Variants in CNTN3 observed in about 807,000 individuals in gnomAD.
The protein encoded by CNTN3 is contactin-3.
CNTN3 carries 60 observed loss-of-function variants against 119.1 expected under a neutral mutation model. The ratio of observed to expected loss-of-function variants is 0.50; its 90% confidence interval spans 0.41 to 0.62. The LOEUF is 0.62. CNTN3 is among the 20% of genes least tolerant of loss of function. The probability of loss-of-function intolerance (pLI) is 0.00; values close to 1 mark genes in which losing one functional copy is unlikely to be tolerated. For synonymous variants in CNTN3, 450 were observed against 438.7 expected (o/e 1.03, Z -0.32); for missense variants, 1,101 against 1,242.4 (o/e 0.89, Z 1.71).
At chr3:74,300,300 A>G (rs1160560273) in intron 16 of CNTN3, among the ~76,000 whole-genome samples, 1 of 152,236 alleles carries the variant, frequency 6.6e-6, no homozygotes, top group Non-Finnish European at 1.5e-5. Flanking sequence ...TATTCCAAGT[A>G]GAATATAATT....
intron 20 of CNTN3, among the ~76,000 whole-genome samples, chr3:74,276,889 G>A (rs1440268748): frequency 2.0e-5 from 3 of 152,024 alleles, no homozygotes; most frequent in Admixed American, 6.5e-5. Flanking sequence ...TCATTGGCAA[G>A]ATTAACAAAG....
chr3:74,568,802 G>A (rs1030280708), intron 1 of CNTN3, among the ~76,000 whole-genome samples: 3 of 152,142 alleles, frequency 2.0e-5, no homozygotes. Context: ...GAATGTGAGC[G>A]GGCAAAGGGC....
chr3:74,407,473 A>G (rs1262870241), intron 5 of CNTN3, among the ~76,000 whole-genome samples: 2 of 144,044 alleles, frequency 1.4e-5, no homozygotes, highest in African/African-American at 5.2e-5. Flanking sequence ...GGGTTTCTCC[A>G]TGTTGGTCAG....
intron 1 of CNTN3, among the ~76,000 whole-genome samples, chr3:74,553,669 C>T (rs1409529220): frequency 6.6e-6 from 1 of 151,688 alleles, no homozygotes; most frequent in Non-Finnish European, 1.5e-5. Flanking sequence ...TTTTGATTTG[C>T]ATTTCTCCAT....
In CNTN3 at chr3:74,266,730, A is replaced by C. The variant is rs576799026; in HGVS notation, c.2818-81T>G. 1.7e-5 allele frequency: 22 copies of C among 1,299,890 alleles called. No individual in the cohort carries two copies. In the South Asian group the frequency reaches 2.9e-4, roughly 17 times the overall value. 80.5% of individuals were successfully genotyped at this position (1,299,890 alleles called of 1,614,324 possible). A position where few individuals can be genotyped will look rare whatever the true frequency, so the allele number is the denominator to read the frequency against. On this transcript the variant is annotated intron_variant, in intron 21 of 22. Transcript: ENST00000263665. ...CATAGAATTTGTCTCTCTGAAATTA[A>C]CTAATTTTGTCCTTCTATATCCACT...
intron 16 of CNTN3, 112 bp from the exon 17 acceptor site, chr3:74,300,050 G>T (rs2106814815): frequency 1.8e-6 from 1 of 566,278 alleles, no homozygotes; most frequent in Non-Finnish European, 2.9e-6. Context: ...ATTGGCACAT[G>T]ATTCATACAT....
chr3:74,525,964 T>C (rs1703613109), intron 1 of CNTN3, among the ~76,000 whole-genome samples: 1 of 151,916 alleles, frequency 6.6e-6, no homozygotes, highest in Non-Finnish European at 1.5e-5. Context: ...TTGAATATCA[T>C]CTTGGCAAAT....
chr3:74,360,425 G>GA (rs1704050174), intron 11 of CNTN3, among the ~76,000 whole-genome samples: 1 of 152,124 alleles, frequency 6.6e-6, no homozygotes, highest in Non-Finnish European at 1.5e-5. Context: ...CTGGCTATGT[G>GA]ACTTCAGGCA....
chr3:74,519,582 T>C (rs1178553066), intron 2 of CNTN3, among the ~76,000 whole-genome samples: 1 of 151,772 alleles, frequency 6.6e-6, no homozygotes, highest in Non-Finnish European at 1.5e-5. Flanking sequence ...ACATTGCTTT[T>C]ACAAAATTTC....
intron 4 of CNTN3, among the ~76,000 whole-genome samples, chr3:74,464,355 T>C (rs956607303): frequency 1.3e-5 from 2 of 152,212 alleles, no homozygotes; most frequent in African/African-American, 4.8e-5. Flanking sequence ...TGAATAAACT[T>C]GGTTATAGAA....
chr3:74,593,501 G>A (rs932107086), intron 1 of CNTN3, among the ~76,000 whole-genome samples: 6 of 151,952 alleles, frequency 3.9e-5, no homozygotes, highest in Middle Eastern at 3.2e-3. Context: ...TAATGTCTAT[G>A]TGCTCATATG....
intron 1 of CNTN3, among the ~76,000 whole-genome samples, chr3:74,569,027 C>G (rs1575835943): frequency 6.6e-6 from 1 of 152,274 alleles, no homozygotes; most frequent in East Asian, 1.9e-4. Context: ...AATTTAAGAG[C>G]AGTGCTCTGG....
chr3:74,368,891 C>G (rs963236475), intron 8 of CNTN3, among the ~76,000 whole-genome samples: 1 of 151,628 alleles, frequency 6.6e-6, no homozygotes, highest in Non-Finnish European at 1.5e-5. Flanking sequence ...AGAGATCTCT[C>G]TCTAATGTGT....
chr3:74,421,968 A>G (rs559795962), intron 5 of CNTN3, among the ~76,000 whole-genome samples: 1 of 152,320 alleles, frequency 6.6e-6, no homozygotes, highest in East Asian at 1.9e-4. Flanking sequence ...TTTGGCTGTT[A>G]AAAGCTTATA....
intron 4 of CNTN3, among the ~76,000 whole-genome samples, chr3:74,472,163 TC>T (rs1356867193): frequency 6.6e-6 from 1 of 152,170 alleles, no homozygotes; most frequent in African/African-American, 2.4e-5. Context: ...GATTCCAAAT[TC>T]AACTCAACCT....
intron 2 of CNTN3, among the ~76,000 whole-genome samples, chr3:74,501,782 T>C (rs1047858059): frequency 5.1e-5 from 2 of 38,892 alleles, no homozygotes; most frequent in East Asian, 1.8e-3. Context: ...TCAGGGGAAA[T>C]TGCCAAAGGA....
At chr3:74,337,597 C>T (rs1266067013) in intron 11 of CNTN3, among the ~76,000 whole-genome samples, 3 of 151,996 alleles carry the variant, frequency 2.0e-5, no homozygotes, top group Non-Finnish European at 2.9e-5. Context: ...AGGGGTTCCC[C>T]TTATAAAACC....
chr3:74,520,742 T>C (rs545578544), intron 2 of CNTN3, among the ~76,000 whole-genome samples: 8 of 151,176 alleles, frequency 5.3e-5, no homozygotes, highest in Non-Finnish European at 1.2e-4. Flanking sequence ...TTAAGTTCCT[T>C]TGGAAAAAAA....
At chr3:74,393,056 T>G (rs973508305) in intron 5 of CNTN3, among the ~76,000 whole-genome samples, 1 of 150,888 alleles carries the variant, frequency 6.6e-6, no homozygotes, top group South Asian at 2.1e-4. Context: ...GTACCTTTTA[T>G]TGTGGTTTCT....
Sources: allele counts gnomAD v4.1 joint callset (sites outside exome capture counted in the v4.1 genomes callset), GRCh38; gene constraint gnomAD v4.1.1; transcripts MANE v1.5; gene names NCBI Gene and HGNC (gene_info 2026-07-23, HGNC 2026-07-21).